THSD4: variants seen among roughly 807,000 people sequenced by gnomAD.
The protein encoded by THSD4 is thrombospondin type 1 domain containing 4, also known as thrombospondin type-1 domain-containing protein 4.
Under a neutral mutation model 119.0 loss-of-function variants are expected in THSD4, and 69 were observed. The ratio of observed to expected loss-of-function variants is 0.58; its 90% CI spans 0.48 to 0.71. THSD4 has a LOEUF of 0.71. THSD4 is among the 30% of genes least tolerant of loss of function. The pLI, the probability that THSD4 is intolerant of heterozygous loss-of-function variation, is 0.00. For synonymous variants in THSD4, 524 were observed against 540.4 expected (o/e 0.97, Z 0.42); for missense variants, 1,393 against 1,391.1 (o/e 1.00, Z -0.02).
chr15:71,286,761 TC>T (rs2044723000), intron 6 of THSD4, among the ~76,000 whole-genome samples: 1 of 152,188 alleles, frequency 6.6e-6, no homozygotes, highest in Non-Finnish European at 1.5e-5. Flanking sequence ...TAATTTACAC[TC>T]CCACCAACAG....
chr15:71,649,022 G>A (rs1054603705), intron 7 of THSD4, among the ~76,000 whole-genome samples: 7 of 152,168 alleles, frequency 4.6e-5, no homozygotes, highest in African/African-American at 1.7e-4. Flanking sequence ...ACATTCATGT[G>A]TCTAGAAGAA....
At chr15:71,190,096 T>C (rs755745135) in intron 3 of THSD4, among the ~76,000 whole-genome samples, 4 of 152,182 alleles carry the variant, frequency 2.6e-5, no homozygotes, top group Non-Finnish European at 5.9e-5. Flanking sequence ...AAACCTGGGG[T>C]AGACATCATT....
chr15:71,354,442 G>C (rs79775672), intron 6 of THSD4, among the ~76,000 whole-genome samples: 124 of 152,302 alleles, frequency 8.1e-4, no homozygotes, highest in African/African-American at 2.9e-3. Flanking sequence ...TAAGGACTGA[G>C]AAGCCATCTT....
intron 7 of THSD4, among the ~76,000 whole-genome samples, chr15:71,476,806 A>C (rs2047661168): frequency 6.6e-6 from 1 of 152,148 alleles, no homozygotes; most frequent in Admixed American, 6.5e-5. Flanking sequence ...ATCTCTACCC[A>C]GCATCAGCAT....
Position 71,400,068 on chromosome 15 carries a change from C to T in THSD4, c.1016-11619C>T, listed in dbSNP as rs907340658. On this transcript the variant is annotated intron_variant, in intron 6 of 17. Transcript: ENST00000261862. The stretch of plus-strand genomic sequence containing the variant: ...AAATTTTTGTTCACTGTTTCTAATC[C>T]GGATACCCAAGCCTATTAAAACAGT... Among the ~76,000 whole-genome samples the T allele has an allele frequency of 3.3e-5, 5 of 152,014 alleles. No individual in the cohort carries two copies. In the South Asian group the frequency reaches 6.3e-4, roughly 19 times the overall value.
In THSD4 at chr15:71,684,999, TGTA is replaced by T. The variant is rs755399799; in HGVS notation, c.1357+24269_1357+24271del. ...TATCTTTTTCATGGAGAATTTCAAA[TGTA>T]GTATAGAATTACATATCAAATTCAC... On this transcript the variant is annotated intron_variant, in intron 8 of 17. Coordinates refer to ENST00000261862, the MANE Select transcript of THSD4 (RefSeq NM_024817.3). Among the ~76,000 whole-genome samples, 8 of 152,260 alleles carry T rather than the reference TGTA, an allele frequency of 5.3e-5. No individual in the cohort carries two copies. In the East Asian group the frequency reaches 7.7e-4, roughly 15 times the overall value.
chr15:71,631,025 C>T (rs901452868), intron 7 of THSD4, among the ~76,000 whole-genome samples: 1 of 152,260 alleles, frequency 6.6e-6, no homozygotes, highest in South Asian at 2.1e-4. Context: ...CAAAAACACC[C>T]GCAGACATTT....
chr15:71,565,746 C>T (rs1444277708), intron 7 of THSD4, among the ~76,000 whole-genome samples: 1 of 151,944 alleles, frequency 6.6e-6, no homozygotes, highest in Non-Finnish European at 1.5e-5. Flanking sequence ...TTTCCTGGGC[C>T]CTGAATGAAC....
chr15:71,593,922 CA>C (rs947159021), intron 7 of THSD4, among the ~76,000 whole-genome samples: 4 of 136,532 alleles, frequency 2.9e-5, no homozygotes, highest in Admixed American at 7.3e-5. Context: ...ACCCCCCCGG[CA>C]AAAAAAAAAT....
chr15:71,615,089 ACTTT>A (rs2050298450), intron 7 of THSD4, among the ~76,000 whole-genome samples: 1 of 152,198 alleles, frequency 6.6e-6, no homozygotes, highest in Admixed American at 6.5e-5. Flanking sequence ...AGATTACACT[ACTTT>A]CTATGTAAAT....
intron 7 of THSD4, among the ~76,000 whole-genome samples, chr15:71,450,275 G>T (rs1472885762): frequency 6.6e-6 from 1 of 152,218 alleles, no homozygotes; most frequent in Non-Finnish European, 1.5e-5. Flanking sequence ...CTGGAAAAAA[G>T]TGGAGACTCA....
chr15:71,583,904 A>G (rs1027794833), intron 7 of THSD4, among the ~76,000 whole-genome samples: 36 of 152,134 alleles, frequency 2.4e-4, no homozygotes, highest in Non-Finnish European at 3.5e-4. Context: ...TGTTCTGCAC[A>G]TGTCTGTTGG....
At chr15:71,577,638 C>T (rs2049475213) in intron 7 of THSD4, among the ~76,000 whole-genome samples, 2 of 151,998 alleles carry the variant, frequency 1.3e-5, no homozygotes, top group South Asian at 4.2e-4. Context: ...TCACTTGATG[C>T]CCTAATTCAG....
At chr15:71,551,042 A>G (rs993619039) in intron 7 of THSD4, among the ~76,000 whole-genome samples, 4 of 152,232 alleles carry the variant, frequency 2.6e-5, no homozygotes, top group African/African-American at 4.8e-5. Context: ...AAAATGTTCT[A>G]TGAGCCACCT....
At chr15:71,313,219 G>A (rs1480642504) in intron 6 of THSD4, among the ~76,000 whole-genome samples, 1 of 152,118 alleles carries the variant, frequency 6.6e-6, no homozygotes, top group East Asian at 1.9e-4. Context: ...AGTTATTCAA[G>A]CCTTAGTCAC....
intron 6 of THSD4, among the ~76,000 whole-genome samples, chr15:71,316,054 G>A (rs1020259026): frequency 3.3e-5 from 5 of 152,184 alleles, no homozygotes; most frequent in Non-Finnish European, 7.3e-5. Flanking sequence ...CACTGGGTAT[G>A]AGCAGAGTAA....
At chr15:71,768,976 CCGCCCGGCCAG>C in intron 16 of THSD4, among the ~76,000 whole-genome samples, 1 of 103,530 alleles carries the variant, frequency 9.7e-6, no homozygotes, top group Non-Finnish European at 2.0e-5. Context: ...GGTCGGCCCC[CCGCCCGGCCAG>C]CCGCCCCGTC....
intron 11 of THSD4, among the ~76,000 whole-genome samples, chr15:71,742,243 T>G (rs914488541): frequency 4.6e-5 from 7 of 152,202 alleles, no homozygotes; most frequent in African/African-American, 1.7e-4. Flanking sequence ...TCTAAGTGCT[T>G]CCAGCATCAT....
rs559810126 is a variant in THSD4 at position 71,598,317 on chromosome 15, G to A, written c.1153-62213G>A. ...AGAGTGCTAGTTTGACTAGAGTGGC[G>A]ACATCATGACATTTTAAAAGTCAAA... is the stretch of plus-strand genomic sequence containing the variant. On this transcript the variant is annotated intron_variant, in intron 7 of 17. Coordinates refer to ENST00000261862, the MANE Select transcript of THSD4 (RefSeq NM_024817.3). Among the ~76,000 whole-genome samples the A allele has an allele frequency of 2.2e-4, 33 of 152,234 alleles. 2 individuals carry two copies. Among genetic ancestry groups the A allele is most frequent in the Admixed American group, 6.5e-4 (10 of 15,290 alleles).
Sources: allele counts gnomAD v4.1 joint callset (sites outside exome capture counted in the v4.1 genomes callset), GRCh38; gene constraint gnomAD v4.1.1; transcripts MANE v1.5; gene names NCBI Gene and HGNC (gene_info 2026-07-23, HGNC 2026-07-21).